Variants in ARHGEF40 observed in about 807,000 individuals in gnomAD.
ARHGEF40 encodes Rho guanine nucleotide exchange factor (GEF) 40.
Under a neutral mutation model 165.9 loss-of-function variants are expected in ARHGEF40, and 98 were observed. That is an observed-to-expected ratio of 0.59 (90% CI 0.50 to 0.70). The LOEUF is 0.70. ARHGEF40 is among the 30% of genes least tolerant of loss of function. ARHGEF40 has a pLI of 0.00. For missense variants in ARHGEF40, 1,815 were observed against 1,968.0 expected (o/e 0.92, Z 1.47); for synonymous variants, 792 against 814.3 (o/e 0.97, Z 0.47).
the ARHGEF40 span, among the ~76,000 whole-genome samples, chr14:21,062,707 C>CAG: frequency 1.7e-5 from 1 of 57,664 alleles, no homozygotes; most frequent in Non-Finnish European, 3.3e-5. Context: ...AGGCTGGGCA[C>CAG]AGTGTGTGTG....
upstream of ARHGEF40, among the ~76,000 whole-genome samples, chr14:21,065,517 T>C (rs936681695): frequency 6.6e-6 from 1 of 152,166 alleles, no homozygotes; most frequent in African/African-American, 2.4e-5. Flanking sequence ...GGTAGAAAGG[T>C]GAGTCTATTA....
At position 21,080,760 on chromosome 14, in the gene ARHGEF40, G is replaced by A. The variant is rs527744379; in HGVS notation, c.2474G>A (p.Arg825His). 99 of 1,608,724 alleles carry A rather than the reference G, an allele frequency of 6.2e-5. No individual in the cohort carries two copies. Among genetic ancestry groups the A allele is most frequent in the African/African-American group, 6.0e-4 (45 of 74,978 alleles). Residue 825 changes from arginine (R) to histidine (H), a missense_variant, in exon 12 of 24, where the codon CGT becomes CAT. Coordinates refer to ENST00000298694, the MANE Select transcript of ARHGEF40 (RefSeq NM_018071.5). Reference sequence around the variant, plus strand: ...CTGCAGGAGACAGAGCTGCGATTCCGTGCTTTCAGCGCTGAGGTCCAGGTG... The same window carrying A: ...CTGCAGGAGACAGAGCTGCGATTCCATGCTTTCAGCGCTGAGGTCCAGGTG... ...SALQETELRFRAFSAEVQERL... is the reference protein window; with the variant it reads ...SALQETELRFHAFSAEVQERL...
In ARHGEF40 at chr14:21,078,395, C is replaced by T. The variant is rs773765467; in HGVS notation, c.2153C>T (p.Pro718Leu). The T allele has an allele frequency of 1.2e-6, 2 of 1,609,852 alleles. No homozygotes were observed. The highest frequency in any genetic ancestry group is 1.1e-5 in the South Asian group (1 of 90,454). Residue 718 changes from proline to leucine, a missense_variant, in exon 10 of 24, where the codon CCA (proline) becomes CTA (leucine). By Grantham distance (98) the Pro-to-Leu change is moderately conservative (BLOSUM62 -3). Coordinates refer to ENST00000298694, the MANE Select transcript of ARHGEF40 (RefSeq NM_018071.5). ...EEEEAVGMPK[P>L]LQKVLADPRL... ...CAGGAGGCAGTGGGAATGCCCAAGCCACTGCAGAAGGTGCTGGCAGATCCC... is the reference window on the plus strand; with the variant it reads ...CAGGAGGCAGTGGGAATGCCCAAGCTACTGCAGAAGGTGCTGGCAGATCCC...
At chr14:21,088,915 C>T (rs1308823580) in intron 23 of ARHGEF40, 39 bp downstream of exon 23, 2 of 1,601,624 alleles carry the variant, frequency 1.2e-6, no homozygotes, top group Non-Finnish European at 8.5e-7. Flanking sequence ...ATCCAGCACT[C>T]CTACCATCTT....
intron 11 of ARHGEF40, among the ~76,000 whole-genome samples, chr14:21,080,225 CACACACA>C (rs1887775765): frequency 7.2e-6 from 1 of 137,972 alleles, no homozygotes; most frequent in Non-Finnish European, 1.6e-5. Flanking sequence ...CACACACACA[CACACACA>C]CACACACACA....
rs758070639 is a variant in ARHGEF40 at position 21,082,308 on chromosome 14, G to A, written c.3316G>A (p.Glu1106Lys). 5.6e-6 allele frequency: 9 copies of A among 1,613,102 alleles called. No individual in the cohort carries two copies. Among genetic ancestry groups the A allele is most frequent in the African/African-American group, 2.7e-5 (2 of 74,932 alleles). The change falls in exon 15 of 24, where the codon GAG becomes AAG. Residue 1106 changes from glutamate (E) to lysine (K), a missense_variant. By Grantham distance (56) the Glu-to-Lys change is moderately conservative. Transcript: ENST00000298694. The part of the protein sequence containing the change: ...CEQDYVATLS[E>K]PVPPPGPELT... ...ACAAGATTACGTGGCCACCTTGAGTGAGCCAGTGCCACCCCCTGGGCCTGA... is the reference window on the plus strand; with the variant it reads ...ACAAGATTACGTGGCCACCTTGAGTAAGCCAGTGCCACCCCCTGGGCCTGA...
Position 21,072,936 on chromosome 14 carries a change from T to G in ARHGEF40, c.4-109T>G. 1 of 1,150,260 alleles carries G rather than the reference T, an allele frequency of 8.7e-7. No homozygotes were observed. Among genetic ancestry groups the G allele is most frequent in the South Asian group, 1.4e-5 (1 of 69,808 alleles). The allele number at this position is 1,150,260 out of a possible 1,614,324, so 71.3% of individuals were successfully genotyped here. On this transcript the variant is annotated intron_variant, in intron 1 of 23. Transcript: ENST00000298694. This position sits in a 1 kb window ranked among gnomAD's most constrained non-coding sequence, Gnocchi z 4.1. ...CTGAGTGCTCACTTTTTGCCCACAT[T>G]GTACAATCGGGGCTTTGGAGAACAC... is the stretch of plus-strand genomic sequence containing the variant.
the ARHGEF40 span, among the ~76,000 whole-genome samples, chr14:21,064,328 GTCTC>G: frequency 6.6e-6 from 1 of 151,670 alleles, no homozygotes; most frequent in Non-Finnish European, 1.5e-5. Flanking sequence ...TTGAGACAGA[GTCTC>G]TCTCTGTTGC....
Position 21,082,094 on chromosome 14 carries a change from C to T in ARHGEF40, c.3226C>T (p.Arg1076Trp), listed in dbSNP as rs766504441. Reference sequence around the variant, plus strand: ...CGGACCCTGGGGAGTAGGCACCCCCCGGATGGAGCGCAAGCGAAGCATCAG... The same window carrying T: ...CGGACCCTGGGGAGTAGGCACCCCCTGGATGGAGCGCAAGCGAAGCATCAG... ...PDGPWGVGTP[R>W]MERKRSISAQ... is the part of the protein sequence containing the mutation. Residue 1076 changes from arginine to tryptophan, a missense_variant, in exon 14 of 24, where the codon CGG (arginine) becomes TGG (tryptophan). By Grantham distance (101) the Arg-to-Trp change is moderately radical. Coordinates refer to ENST00000298694, the MANE Select transcript of ARHGEF40 (RefSeq NM_018071.5). 1.4e-5 allele frequency: 22 copies of T among 1,561,506 alleles called. No individual in the cohort carries two copies. In the East Asian group the frequency reaches 1.9e-4, roughly 14 times the overall value.
At chr14:21,081,471 C>T in intron 13 of ARHGEF40, 38 bp from the exon 14 acceptor site, 6 of 1,607,608 alleles carry the variant, frequency 3.7e-6, no homozygotes, top group African/African-American at 1.3e-5. Context: ...CAGGCCCTTA[C>T]CCTTTCTCTC....
chr14:21,074,180 A>G lies in ARHGEF40; in HGVS notation c.450A>G (p.Leu150=), dbSNP rs766275746. The change falls in exon 3 of 24, where the codon CTA becomes CTG. Residue 150 remains leucine (L), a synonymous_variant. Coordinates refer to ENST00000298694, the MANE Select transcript of ARHGEF40 (RefSeq NM_018071.5). This position sits in a 1 kb window ranked among gnomAD's most constrained non-coding sequence, Gnocchi z 4.8. ...CCTACCTATTCACACCTGAGTGGCT[A>G]CAAGGCATCAACAAGGACCGGCCAA... ...ACAYLFTPEW[L]QGINKDRPTG... 6 of 1,614,018 alleles carry G rather than the reference A, an allele frequency of 3.7e-6. No individual in the cohort carries two copies. The African/African-American group carries it at 6.7e-5, about 18-fold the overall frequency.
At chr14:21,078,583 T>C in intron 10 of ARHGEF40, 95 bp downstream of exon 10, 1 of 1,264,274 alleles carries the variant, frequency 7.9e-7, no homozygotes, top group East Asian at 2.4e-5. Flanking sequence ...CCATTCTTAC[T>C]GTGCATGTAT....
Position 21,073,960 on chromosome 14 carries a change from A to G in ARHGEF40, c.230A>G (p.His77Arg), listed in dbSNP as rs1887183317. ...CAATACAGTGGATTCCTCTTCTTCC[A>G]TGAGGGGTGGCCGCTCTGCCTGCAT... ...CAQYSGFLFF[H>R]EGWPLCLHEQ... Residue 77 changes from histidine to arginine, a missense_variant, in exon 3 of 24, where the codon CAT (histidine) becomes CGT (arginine). Physicochemically the swap from His to Arg is conservative, Grantham distance 29 (BLOSUM62 0). Coordinates refer to ENST00000298694, the MANE Select transcript of ARHGEF40 (RefSeq NM_018071.5). This position sits in a 1 kb window ranked among gnomAD's most constrained non-coding sequence, Gnocchi z 4.6. 6.2e-7 allele frequency: 1 copy of G among 1,607,570 alleles called. No homozygotes were observed. The highest frequency in any genetic ancestry group is 1.1e-5 in the South Asian group (1 of 91,008).
At chr14:21,079,281 G>A (rs1265646961) in intron 11 of ARHGEF40, among the ~76,000 whole-genome samples, 1 of 152,082 alleles carries the variant, frequency 6.6e-6, no homozygotes. Context: ...CTGCCCTAGG[G>A]GATTCTGAAG....
At chr14:21,084,634 C>G in intron 17 of ARHGEF40, 119 bp from the exon 18 acceptor site, 2 of 1,149,504 alleles carry the variant, frequency 1.7e-6, no homozygotes, top group South Asian at 3.0e-5. Context: ...TCCCTGACTT[C>G]CTGACTCTAC....
rs116836845 is a variant in ARHGEF40 at position 21,082,314 on chromosome 14, G to T, written c.3322G>T (p.Val1108Leu). Reference protein sequence around the residue: ...QDYVATLSEPVPPPGPELTPE... With the variant: ...QDYVATLSEPLPPPGPELTPE... ...TTACGTGGCCACCTTGAGTGAGCCA[G>T]TGCCACCCCCTGGGCCTGAGCTGAC... The change falls in exon 15 of 24, where the codon GTG (valine) becomes TTG (leucine). Residue 1108 changes from valine (V) to leucine (L), a missense_variant. Transcript: ENST00000298694. 6.2e-7 allele frequency: 1 copy of T among 1,613,172 alleles called. No homozygotes were observed. Among genetic ancestry groups the T allele is most frequent in the East Asian group, 2.2e-5 (1 of 44,878 alleles).
chr14:21,080,025 G>A (rs2139238782), intron 11 of ARHGEF40, among the ~76,000 whole-genome samples: 1 of 152,258 alleles, frequency 6.6e-6, no homozygotes, highest in South Asian at 2.1e-4. Context: ...GACTATAAAA[G>A]TGGTTATTGT....
chr14:21,064,751 A>G, the ARHGEF40 span, among the ~76,000 whole-genome samples: 2 of 152,272 alleles, frequency 1.3e-5, no homozygotes, highest in African/African-American at 2.4e-5. Context: ...GGGTTTGTAC[A>G]TCAACAAAGT....
chr14:21,076,421 C>G lies in ARHGEF40; in HGVS notation c.1801C>G (p.Pro601Ala). ...LLDLRQAPPLPPALIPALSQL... is the reference protein window; with the variant it reads ...LLDLRQAPPLAPALIPALSQL... ...GGACCTTCGTCAGGCACCTCCACTG[C>G]CTCCAGCACTCATTCCTGCCTTGAG... The change falls in exon 6 of 24, where the codon CCT becomes GCT. Residue 601 changes from proline to alanine, a missense_variant. By Grantham distance (27) the Pro-to-Ala change is conservative. Transcript: ENST00000298694. 6.2e-7 allele frequency: 1 copy of G among 1,613,814 alleles called. No individual in the cohort carries two copies. The highest frequency in any genetic ancestry group is 8.5e-7 in the Non-Finnish European group (1 of 1,180,040).
Sources: gnomAD v4.1 joint callset for allele counts (sites outside exome capture counted in the v4.1 genomes callset) on GRCh38, gnomAD v4.1.1 for gene constraint, Gnocchi (gnomAD v3.1) non-coding constraint, MANE v1.5 for transcripts, NCBI Gene and HGNC (gene_info 2026-07-23, HGNC 2026-07-21) for gene names.